SUCLG2: variants seen among roughly 807,000 people sequenced by gnomAD.
SUCLG2 encodes succinate-CoA ligase GDP-forming subunit beta.
SUCLG2 carries 42 observed loss-of-function variants against 47.9 expected under a neutral mutation model. That is an observed-to-expected ratio of 0.88 (90% confidence interval 0.69 to 1.14). The LOEUF (loss-of-function observed/expected upper bound fraction) is 1.14, where lower values mean the gene tolerates loss of function less well. Ranked by LOEUF, SUCLG2 falls within the 50% of genes most tolerant of loss-of-function variation. The probability of loss-of-function intolerance (pLI) is 0.00; values close to 1 mark genes in which losing one functional copy is unlikely to be tolerated. For missense variants in SUCLG2, 571 were observed against 525.9 expected (o/e 1.09, Z -0.84); for synonymous variants, 195 against 197.3 (o/e 0.99, Z 0.10).
chr3:67,549,264 T>C (rs1706948278), intron 2 of SUCLG2, among the ~76,000 whole-genome samples: 1 of 152,150 alleles, frequency 6.6e-6, no homozygotes, highest in Non-Finnish European at 1.5e-5. Context: ...ACTTAAGCAA[T>C]GAAGTGACGA....
At chr3:67,499,326 T>C (rs544464588) in intron 7 of SUCLG2, among the ~76,000 whole-genome samples, 3 of 152,296 alleles carry the variant, frequency 2.0e-5, no homozygotes, top group East Asian at 3.9e-4. Flanking sequence ...GGTTTTTTAA[T>C]TGGAAAAAAT....
chr3:67,404,663 C>T (rs1702763120), intron 9 of SUCLG2, among the ~76,000 whole-genome samples: 1 of 152,070 alleles, frequency 6.6e-6, no homozygotes, highest in Non-Finnish European at 1.5e-5. Context: ...TTCTCGCCTT[C>T]TCTCCCACTG....
intron 9 of SUCLG2, among the ~76,000 whole-genome samples, chr3:67,450,592 A>T (rs1332564577): frequency 6.6e-6 from 1 of 152,234 alleles, no homozygotes; most frequent in Non-Finnish European, 1.5e-5. Flanking sequence ...AGATACTATC[A>T]TCTGGCATTT....
chr3:67,612,478 G>T (rs201963384), intron 1 of SUCLG2, among the ~76,000 whole-genome samples: 9 of 152,134 alleles, frequency 5.9e-5, no homozygotes, highest in African/African-American at 2.2e-4. Flanking sequence ...TAGAAAGTAC[G>T]CTGGAAATGT....
intron 10 of SUCLG2, among the ~76,000 whole-genome samples, chr3:67,386,319 G>A (rs745776506): frequency 6.0e-5 from 9 of 150,412 alleles, no homozygotes; most frequent in Non-Finnish European, 1.2e-4. Context: ...GGATGGTCTC[G>A]ATCTCCGACC....
chr3:67,427,799 G>A (rs1481846112), intron 9 of SUCLG2, among the ~76,000 whole-genome samples: 1 of 152,176 alleles, frequency 6.6e-6, no homozygotes, highest in African/African-American at 2.4e-5. Context: ...TTAGCAAATG[G>A]CACACCAGGA....
intron 1 of SUCLG2, among the ~76,000 whole-genome samples, chr3:67,645,546 G>C (rs968422775): frequency 6.6e-6 from 1 of 152,052 alleles, no homozygotes. Context: ...CAAATAGCAC[G>C]TATATTTTTT....
intron 10 of SUCLG2, among the ~76,000 whole-genome samples, chr3:67,394,407 G>A (rs1200487249): frequency 7.4e-5 from 11 of 148,378 alleles, no homozygotes; most frequent in African/African-American, 1.5e-4. Flanking sequence ...CGATCAACTG[G>A]AAGAAAGGGT....
Position 67,533,387 on chromosome 3 carries a change from A to G in SUCLG2, c.227-4201T>C, listed in dbSNP as rs532769661. ...AATAATATTGGACTTGCAGAAACTG[A>G]TTTCTGTGGTTCACTGACTGGAGCA... On this transcript the variant is annotated intron_variant, in intron 2 of 10. Coordinates refer to ENST00000307227, the MANE Select transcript of SUCLG2 (RefSeq NM_003848.4). 2.7e-4 allele frequency among the ~76,000 whole-genome samples: 41 copies of G among 152,284 alleles called. No homozygotes were observed. In the South Asian group the frequency reaches 5.2e-3, roughly 19 times the overall value.
At chr3:67,593,552 G>C (rs143360326) in intron 2 of SUCLG2, among the ~76,000 whole-genome samples, 2 of 152,114 alleles carry the variant, frequency 1.3e-5, no homozygotes, top group Non-Finnish European at 2.9e-5. Context: ...CACATCTCCC[G>C]TGTAAACCTC....
At chr3:67,580,711 T>C (rs1707859821) in intron 2 of SUCLG2, among the ~76,000 whole-genome samples, 1 of 152,182 alleles carries the variant, frequency 6.6e-6, no homozygotes, top group South Asian at 2.1e-4. Context: ...TGTTTCATCT[T>C]CCAAAATCAT....
chr3:67,460,787 C>G (rs1306890281), intron 9 of SUCLG2, among the ~76,000 whole-genome samples: 1 of 152,116 alleles, frequency 6.6e-6, no homozygotes, highest in Non-Finnish European at 1.5e-5. Flanking sequence ...AAAAACAATA[C>G]AGGCCCACTG....
chr3:67,439,358 A>G lies in SUCLG2; in HGVS notation c.1063-38507T>C, dbSNP rs536673998. On this transcript the variant is annotated intron_variant, in intron 9 of 10. Transcript: ENST00000307227. ...AAGGATGCCCTCTCTCACCACTCCT[A>G]TTCAACATAGTATTGGAAGTTCCGG... Among the ~76,000 whole-genome samples, 4 of 152,322 alleles carry G rather than the reference A, an allele frequency of 2.6e-5. No homozygotes were observed. In the South Asian group the frequency reaches 6.2e-4, roughly 24 times the overall value.
At chr3:67,486,259 TG>T (rs1237622060) in intron 9 of SUCLG2, among the ~76,000 whole-genome samples, 1 of 151,386 alleles carries the variant, frequency 6.6e-6, no homozygotes, top group African/African-American at 2.4e-5. Flanking sequence ...AATGAGACCC[TG>T]TGAGAAAAGA....
chr3:67,632,257 A>G (rs1346000413), intron 1 of SUCLG2, among the ~76,000 whole-genome samples: 5 of 152,050 alleles, frequency 3.3e-5, no homozygotes, highest in Non-Finnish European at 7.4e-5. Flanking sequence ...ATCTCTGCTC[A>G]CTGTAGCCTC....
intron 1 of SUCLG2, among the ~76,000 whole-genome samples, chr3:67,646,671 T>C (rs1194407230): frequency 1.3e-5 from 2 of 151,988 alleles, no homozygotes; most frequent in African/African-American, 4.8e-5. Context: ...AAAGGTATCT[T>C]ACAAAGAAAT....
At chr3:67,425,692 G>T (rs548788874) in intron 9 of SUCLG2, among the ~76,000 whole-genome samples, 2 of 152,200 alleles carry the variant, frequency 1.3e-5, no homozygotes, top group South Asian at 4.2e-4. Flanking sequence ...AGCCTTCCTG[G>T]GTCTCTGCCT....
At chr3:67,651,879 A>C (rs1215766592) in intron 1 of SUCLG2, among the ~76,000 whole-genome samples, 1 of 152,136 alleles carries the variant, frequency 6.6e-6, no homozygotes, top group African/African-American at 2.4e-5. Flanking sequence ...CATGACCCTG[A>C]CTGATTTTCT....
chr3:67,378,140 CAT>C (rs1457208693), intron 10 of SUCLG2, among the ~76,000 whole-genome samples: 1 of 152,242 alleles, frequency 6.6e-6, no homozygotes, highest in Non-Finnish European at 1.5e-5. Flanking sequence ...TTTTGACTAA[CAT>C]ATGACTTTGT....
Sources: allele counts gnomAD v4.1 joint callset (sites outside exome capture counted in the v4.1 genomes callset), GRCh38; gene constraint gnomAD v4.1.1; transcripts MANE v1.5; gene names NCBI Gene and HGNC (gene_info 2026-07-23, HGNC 2026-07-21).